PRKN: variants seen among roughly 807,000 people sequenced by gnomAD.
PRKN encodes parkin RBR E3 ubiquitin protein ligase.
A neutral mutation model predicts 59.5 loss-of-function variants in PRKN; 56 were observed. That is an observed-to-expected ratio of 0.94 (90% CI 0.76 to 1.18). The LOEUF is 1.18. PRKN is among the 50% of genes most tolerant of loss of function. The probability of loss-of-function intolerance (pLI) is 0.00; values close to 1 mark genes in which losing one functional copy is unlikely to be tolerated. For synonymous variants in PRKN, 250 were observed against 222.1 expected (o/e 1.13, Z -1.12); for missense variants, 657 against 596.4 (o/e 1.10, Z -1.06).
chr6:162,198,021 GA>G (rs1784564589), intron 4 of PRKN, among the ~76,000 whole-genome samples: 1 of 152,172 alleles, frequency 6.6e-6, no homozygotes, highest in South Asian at 2.1e-4. Flanking sequence ...TGAAGGGCAG[GA>G]AGTGAATGAT....
chr6:162,132,311 A>G (rs1781397008), intron 4 of PRKN, among the ~76,000 whole-genome samples: 2 of 152,074 alleles, frequency 1.3e-5, no homozygotes, highest in Admixed American at 1.3e-4. Flanking sequence ...AGTGCCTGAC[A>G]TATGCTACCT....
In PRKN at chr6:161,371,018, A is replaced by C. The variant is rs1785422968; in HGVS notation, c.1168-10813T>G. Among the ~76,000 whole-genome samples, 1 of 152,204 alleles carries C rather than the reference A, an allele frequency of 6.6e-6. No homozygotes were observed. Among genetic ancestry groups the C allele is most frequent in the African/African-American group, 2.4e-5 (1 of 41,456 alleles). On this transcript the variant is annotated intron_variant, in intron 10 of 11. Transcript: ENST00000366898. This position sits in a 1 kb window ranked among gnomAD's most constrained non-coding sequence, Gnocchi z 5.5. ...GCCCGCCTCCTGCTGGTGAGTAAGA[A>C]AATGGCATCACTTTTCAGGGGCCTT... is the stretch of plus-strand genomic sequence containing the variant.
intron 6 of PRKN, among the ~76,000 whole-genome samples, chr6:161,796,891 A>G (rs1315409099): frequency 6.6e-6 from 1 of 152,218 alleles, no homozygotes; most frequent in East Asian, 1.9e-4. Context: ...GCCTCTGTGC[A>G]AAACAGCTAG....
At chr6:162,612,065 C>G (rs1374594289) in intron 1 of PRKN, among the ~76,000 whole-genome samples, 1 of 150,508 alleles carries the variant, frequency 6.6e-6, no homozygotes. Flanking sequence ...TGGTGGCGGG[C>G]GCCTGTAGTC....
intron 1 of PRKN, among the ~76,000 whole-genome samples, chr6:162,523,836 G>A (rs1778169889): frequency 6.6e-6 from 1 of 151,960 alleles, no homozygotes; most frequent in South Asian, 2.1e-4. Context: ...GGGCAACATA[G>A]CACCACCCCA....
chr6:162,006,245 TAA>T (rs1390864874), intron 5 of PRKN, among the ~76,000 whole-genome samples: 1 of 152,146 alleles, frequency 6.6e-6, no homozygotes, highest in Non-Finnish European at 1.5e-5. Flanking sequence ...CCTGGGACTT[TAA>T]AAGAGTTCCA....
chr6:161,737,122 T>C (rs1184646895), intron 7 of PRKN, among the ~76,000 whole-genome samples: 1 of 152,094 alleles, frequency 6.6e-6, no homozygotes, highest in East Asian at 1.9e-4. Flanking sequence ...TGCAAGAGCA[T>C]ACTGGAAATG....
At chr6:161,520,764 T>A (rs1179742354) in intron 9 of PRKN, among the ~76,000 whole-genome samples, 1 of 152,184 alleles carries the variant, frequency 6.6e-6, no homozygotes, top group African/African-American at 2.4e-5. Flanking sequence ...AGAAATCCAA[T>A]GCTGATGAGT....
rs999341726 is a variant in PRKN at position 161,548,335 on chromosome 6, T to C, written c.1083+519A>G. On this transcript the variant is annotated intron_variant, in intron 9 of 11. Coordinates refer to ENST00000366898, the MANE Select transcript of PRKN (RefSeq NM_004562.3). The surrounding 1 kb of genome is among the most constrained non-coding windows in gnomAD (Gnocchi z 4.2). ...ACATTTTCCACATTTCTTATTCTGC[T>C]TCCATAAGAGACACCATTAGTTTTG... 1.7e-4 allele frequency among the ~76,000 whole-genome samples: 26 copies of C among 152,232 alleles called. No homozygotes were observed. The highest frequency in any genetic ancestry group is 6.3e-4 in the African/African-American group (26 of 41,458).
chr6:161,550,045 C>G lies in PRKN; in HGVS notation c.934-1042G>C, dbSNP rs1010950513. 6.6e-6 allele frequency among the ~76,000 whole-genome samples: 1 copy of G among 152,196 alleles called. No individual in the cohort carries two copies. Among genetic ancestry groups the G allele is most frequent in the African/African-American group, 2.4e-5 (1 of 41,450 alleles). Reference sequence around the variant, plus strand: ...ACAGAATGCCTTACAAAGCAGGTGTCTTTAAGCAAATGTCTGAAGGAGATT... The same window carrying G: ...ACAGAATGCCTTACAAAGCAGGTGTGTTTAAGCAAATGTCTGAAGGAGATT... On this transcript the variant is annotated intron_variant, in intron 8 of 11. Coordinates refer to ENST00000366898, the MANE Select transcript of PRKN (RefSeq NM_004562.3). This position sits in a 1 kb window ranked among gnomAD's most constrained non-coding sequence, Gnocchi z 4.0.
intron 6 of PRKN, among the ~76,000 whole-genome samples, chr6:161,859,923 A>G (rs1793821679): frequency 1.3e-5 from 2 of 152,188 alleles, no homozygotes; most frequent in African/African-American, 4.8e-5. Context: ...GAACGGAACA[A>G]TGGTTAATCT....
At chr6:162,644,568 C>G (rs1403127143) in intron 1 of PRKN, among the ~76,000 whole-genome samples, 1 of 152,088 alleles carries the variant, frequency 6.6e-6, no homozygotes, top group Non-Finnish European at 1.5e-5. Flanking sequence ...TGAATATTTT[C>G]AGAAAGGCAG....
At position 161,775,528 on chromosome 6, in the gene PRKN, G is replaced by C. The variant is rs112192401; in HGVS notation, c.871+10244C>G. Among the ~76,000 whole-genome samples, 614 of 152,254 alleles carry C rather than the reference G, an allele frequency of 4.0e-3. 9 individuals are homozygous for C. The highest frequency in any genetic ancestry group is 0.014 in the African/African-American group (572 of 41,550). On this transcript the variant is annotated intron_variant, in intron 7 of 11. Transcript: ENST00000366898. Reference sequence around the variant, plus strand: ...GTGCTAGGATTACAGGCTTAAGCCAGGGCACCCAGCCTAAGTTAGCAATTC... The same window carrying C: ...GTGCTAGGATTACAGGCTTAAGCCACGGCACCCAGCCTAAGTTAGCAATTC...
chr6:161,782,276 T>C (rs1790237788), intron 7 of PRKN, among the ~76,000 whole-genome samples: 1 of 152,180 alleles, frequency 6.6e-6, no homozygotes, highest in African/African-American at 2.4e-5. Flanking sequence ...CTTTAAAATA[T>C]AATAGGTACT....
At chr6:162,694,669 A>C (rs1268154526) in intron 1 of PRKN, 1 of 151,274 alleles carries the variant, frequency 6.6e-6, no homozygotes, top group Non-Finnish European at 1.5e-5. Context: ...TTTCATACTT[A>C]AGAAAGAATC....
chr6:162,254,423 T>G (rs1292491794), intron 3 of PRKN, among the ~76,000 whole-genome samples: 5 of 146,254 alleles, frequency 3.4e-5, no homozygotes, highest in Non-Finnish European at 7.5e-5. Context: ...CACCTTTGAC[T>G]CCAGCCTGGG....
chr6:161,651,233 A>C (rs1784138114), intron 7 of PRKN, among the ~76,000 whole-genome samples: 1 of 152,228 alleles, frequency 6.6e-6, no homozygotes, highest in Non-Finnish European at 1.5e-5. Flanking sequence ...AGCAGGGTCA[A>C]AATATGTAAA....
intron 1 of PRKN, among the ~76,000 whole-genome samples, chr6:162,593,020 C>T (rs1020083527): frequency 6.6e-6 from 1 of 151,988 alleles, no homozygotes; most frequent in East Asian, 1.9e-4. Context: ...GGACACTACG[C>T]GAAATGATGA....
intron 7 of PRKN, among the ~76,000 whole-genome samples, chr6:161,623,260 G>A (rs1782972066): frequency 6.6e-6 from 1 of 152,162 alleles, no homozygotes; most frequent in African/African-American, 2.4e-5. Flanking sequence ...GCTCTCTGGT[G>A]TGCTTCCTAC....
Sources: allele counts gnomAD v4.1 joint callset (sites outside exome capture counted in the v4.1 genomes callset), GRCh38; gene constraint gnomAD v4.1.1; non-coding constraint Gnocchi (gnomAD v3.1); transcripts MANE v1.5; gene names NCBI Gene and HGNC (gene_info 2026-07-23, HGNC 2026-07-21).